The following ABLIM1 variants were observed in gnomAD, a reference collection of about 807,000 sequenced individuals.
The protein encoded by ABLIM1 is actin binding LIM protein 1, also known as actin-binding LIM protein 1.
In ABLIM1, 40 loss-of-function variants were observed where a neutral mutation model predicts 107.0. That is an observed-to-expected ratio of 0.37 (90% confidence interval 0.29 to 0.49). ABLIM1 has a LOEUF of 0.49. Among genes scored for constraint, ABLIM1 ranks in the 20% least tolerant of loss-of-function variants. The pLI is 0.97. For missense variants in ABLIM1, 857 were observed against 1,008.5 expected (o/e 0.85, Z 2.04); for synonymous variants, 357 against 357.3 (o/e 1.00, Z 0.01).
At chr10:114,605,174 A>T (rs11196798) in intron 1 of ABLIM1, among the ~76,000 whole-genome samples, 3 of 152,138 alleles carry the variant, frequency 2.0e-5, no homozygotes, top group East Asian at 3.9e-4. Context: ...CAGAAGATTC[A>T]GTTCTTATTT....
At chr10:114,623,809 A>G (rs2077618237) in intron 1 of ABLIM1, among the ~76,000 whole-genome samples, 1 of 152,240 alleles carries the variant, frequency 6.6e-6, no homozygotes, top group African/African-American at 2.4e-5. Context: ...CCTTAGAAGT[A>G]TTAAAAAAGC....
At chr10:114,525,852 C>T (rs1287001143) in intron 6 of ABLIM1, among the ~76,000 whole-genome samples, 2 of 152,180 alleles carry the variant, frequency 1.3e-5, no homozygotes, top group Non-Finnish European at 2.9e-5. Flanking sequence ...TCTTTTCCAA[C>T]ATCATAAATC....
intron 1 of ABLIM1, among the ~76,000 whole-genome samples, chr10:114,743,030 ATGTT>A (rs2142312102): frequency 6.6e-6 from 1 of 152,330 alleles, no homozygotes; most frequent in South Asian, 2.1e-4. Flanking sequence ...ATCTCAAAAA[ATGTT>A]AGTTTGTTTT....
chr10:114,576,492 G>C (rs888167896), intron 2 of ABLIM1, among the ~76,000 whole-genome samples: 1 of 152,126 alleles, frequency 6.6e-6, no homozygotes, highest in African/African-American at 2.4e-5. Context: ...AAGAATCCAG[G>C]ATTCTTCTTG....
chr10:114,601,049 TACACACACACACACAC>T (rs59709817), intron 2 of ABLIM1, among the ~76,000 whole-genome samples: 5,196 of 128,532 alleles, frequency 0.04, 243 homozygotes, highest in African/African-American at 0.11. Flanking sequence ...CACATCTCAA[TACACACACACACACAC>T]ACACACACAC....
intron 1 of ABLIM1, among the ~76,000 whole-genome samples, chr10:114,724,813 T>C (rs1458153278): frequency 6.6e-6 from 1 of 152,118 alleles, no homozygotes; most frequent in African/African-American, 2.4e-5. Context: ...GGACAGCTTA[T>C]GTAGTTTCCC....
At chr10:114,523,492 A>G (rs1010048226) in intron 6 of ABLIM1, among the ~76,000 whole-genome samples, 1 of 152,076 alleles carries the variant, frequency 6.6e-6, no homozygotes, top group Non-Finnish European at 1.5e-5. Context: ...GTCAGACCCT[A>G]TGGTTAGTGT....
intron 1 of ABLIM1, among the ~76,000 whole-genome samples, chr10:114,635,978 G>A (rs1009190319): frequency 4.6e-5 from 7 of 152,222 alleles, no homozygotes; most frequent in Non-Finnish European, 8.8e-5. Context: ...TGCGTGCCAG[G>A]TACTGGGCTG....
chr10:114,606,383 A>C (rs895318860), intron 1 of ABLIM1, among the ~76,000 whole-genome samples: 17 of 151,944 alleles, frequency 1.1e-4, no homozygotes, highest in Non-Finnish European at 1.9e-4. Flanking sequence ...CTATAGGCGC[A>C]CACCTCCATG....
At chr10:114,650,878 C>T (rs573384936) in intron 1 of ABLIM1, among the ~76,000 whole-genome samples, 8 of 152,282 alleles carry the variant, frequency 5.3e-5, no homozygotes, top group Non-Finnish European at 7.4e-5. Context: ...TATCGAGCTC[C>T]AACTAAATGC....
At chr10:114,575,702 G>T in intron 2 of ABLIM1, 103 bp from the exon 3 acceptor site, 1 of 1,244,910 alleles carries the variant, frequency 8.0e-7, no homozygotes, top group Non-Finnish European at 1.1e-6. Context: ...GATCTCAATG[G>T]TTTGGGGCTA....
chr10:114,608,271 G>T lies in ABLIM1; in HGVS notation c.245-6310C>A, dbSNP rs576562548. 1.1e-3 allele frequency among the ~76,000 whole-genome samples: 168 copies of T among 152,346 alleles called. 2 individuals carry two copies. The highest frequency in any genetic ancestry group is 3.9e-3 in the African/African-American group (162 of 41,574). On this transcript the variant is annotated intron_variant, in intron 1 of 22. Coordinates refer to ENST00000533213, the MANE Select transcript of ABLIM1 (RefSeq NM_002313.7). The stretch of plus-strand genomic sequence containing the variant: ...CCCAGCTACTTGGCAGGCTGAGGCA[G>T]GAGAATTGTTTGAACCCAGGAGGTG...
chr10:114,465,609 G>C, intron 12 of ABLIM1, 89 bp downstream of exon 12: 1 of 1,497,752 alleles, frequency 6.7e-7, no homozygotes, highest in South Asian at 1.3e-5. Context: ...TTTAGTCGTT[G>C]ATTTTTCAAT....
chr10:114,729,536 T>C (rs1203804830), intron 1 of ABLIM1, among the ~76,000 whole-genome samples: 1 of 152,080 alleles, frequency 6.6e-6, no homozygotes, highest in African/African-American at 2.4e-5. Context: ...TTAAGTTCTT[T>C]GATTGTGAAT....
chr10:114,720,547 T>G (rs1431716543), intron 1 of ABLIM1, among the ~76,000 whole-genome samples: 1 of 152,104 alleles, frequency 6.6e-6, no homozygotes, highest in Non-Finnish European at 1.5e-5. Flanking sequence ...TGGAGAAACA[T>G]ATTTTCACAG....
Position 114,431,462 on chromosome 10 carries a change from G to C in ABLIM1, c.*4798C>G, listed in dbSNP as rs1272901072. On this transcript the variant is annotated 3_prime_UTR_variant, in exon 23 of 23. Transcript: ENST00000533213. ...TCCATAAACCCAACTTAAAATCAAA[G>C]AACTCAGAGAGCTTCAATGCGGAGT... 6.6e-6 allele frequency: 1 copy of C among 152,114 alleles called. No individual in the cohort carries two copies. Among genetic ancestry groups the C allele is most frequent in the Non-Finnish European group, 1.5e-5 (1 of 68,028 alleles). 9.4% of individuals were successfully genotyped at this position (152,114 alleles called of 1,614,324 possible).
chr10:114,789,424 C>T, the ABLIM1 span, among the ~76,000 whole-genome samples: 1 of 152,118 alleles, frequency 6.6e-6, no homozygotes, highest in Non-Finnish European at 1.5e-5. Context: ...CTCCTTATTG[C>T]CTTAGTGTGA....
intron 1 of ABLIM1, 114 bp from the exon 2 acceptor site, chr10:114,602,075 G>A: frequency 7.3e-7 from 1 of 1,373,882 alleles, no homozygotes; most frequent in South Asian, 1.3e-5. Context: ...TGATTCGACA[G>A]TGTGAACAGA....
At chr10:114,468,107 A>C in intron 11 of ABLIM1, 74 bp downstream of exon 11, 1 of 1,359,030 alleles carries the variant, frequency 7.4e-7, no homozygotes, top group Non-Finnish European at 1.0e-6. Flanking sequence ...CTTTTTCAAA[A>C]ATCCCAGTCT....
Sources: allele counts gnomAD v4.1 joint callset (sites outside exome capture counted in the v4.1 genomes callset), GRCh38; gene constraint gnomAD v4.1.1; transcripts MANE v1.5; gene names NCBI Gene and HGNC (gene_info 2026-07-23, HGNC 2026-07-21).